Variants in GNG12 observed in about 807,000 individuals in gnomAD.
The protein encoded by GNG12 is G protein subunit gamma 12.
For missense variants in GNG12, 69 were observed against 83.8 expected, an observed-to-expected ratio of 0.82 and a Z score of 0.69; for synonymous variants, 28 against 29.7, an observed-to-expected ratio of 0.94 and a Z score of 0.19.
intron 2 of GNG12, among the ~76,000 whole-genome samples, chr1:67,730,330 T>C: frequency 6.6e-6 from 1 of 152,112 alleles, no homozygotes; most frequent in South Asian, 2.1e-4. Context: ...CGAAACTCCA[T>C]CTCTACTAAA....
chr1:67,831,883 T>C (rs1210990540), intron 1 of GNG12, among the ~76,000 whole-genome samples: 1 of 152,222 alleles, frequency 6.6e-6, no homozygotes, highest in Non-Finnish European at 1.5e-5. Flanking sequence ...CCTGCCTTCC[T>C]GGTTCTCCTA....
At chr1:67,734,323 G>A (rs1646439256) in intron 2 of GNG12, among the ~76,000 whole-genome samples, 1 of 152,124 alleles carries the variant, frequency 6.6e-6, no homozygotes, top group Non-Finnish European at 1.5e-5. Context: ...GTTTTCTGAA[G>A]ACTGGGGAAA....
At chr1:67,749,382 G>A (rs1239891975) in intron 2 of GNG12, among the ~76,000 whole-genome samples, 2 of 152,094 alleles carry the variant, frequency 1.3e-5, no homozygotes, top group African/African-American at 4.8e-5. Flanking sequence ...GGCTGTAAAG[G>A]GAATTAAATG....
At chr1:67,783,493 T>G (rs568206984) in intron 1 of GNG12, among the ~76,000 whole-genome samples, 19 of 152,264 alleles carry the variant, frequency 1.2e-4, no homozygotes, top group Non-Finnish European at 2.1e-4. Flanking sequence ...CTGAAGAGCT[T>G]CTGCACAGCA....
chr1:67,761,788 C>T lies in GNG12; in HGVS notation c.-27+15670G>A, dbSNP rs907139229. ...TATGTGCACACCATCCGCTTTCTGT[C>T]GGGTGAGGGAGGGTGCAGGGAGAGA... On this transcript the variant is annotated intron_variant, in intron 2 of 3. Coordinates refer to ENST00000370982, the MANE Select transcript of GNG12 (RefSeq NM_018841.6). Among the ~76,000 whole-genome samples the T allele has an allele frequency of 3.9e-5, 6 of 152,090 alleles. No homozygotes were observed. In the East Asian group the frequency reaches 9.6e-4, roughly 24 times the overall value.
intron 1 of GNG12, among the ~76,000 whole-genome samples, chr1:67,789,381 T>C (rs1258720028): frequency 3.3e-5 from 5 of 152,192 alleles, no homozygotes; most frequent in African/African-American, 1.2e-4. Context: ...CATCTAATTG[T>C]ATTTGAATGG....
At chr1:67,819,176 G>A (rs1296164340) in intron 1 of GNG12, among the ~76,000 whole-genome samples, 3 of 152,132 alleles carry the variant, frequency 2.0e-5, no homozygotes, top group Admixed American at 6.5e-5. Context: ...GTTGGGGGCA[G>A]GGTGTCCAAG....
At chr1:67,810,185 TGA>T (rs1646916494) in intron 1 of GNG12, among the ~76,000 whole-genome samples, 1 of 152,212 alleles carries the variant, frequency 6.6e-6, no homozygotes, top group Non-Finnish European at 1.5e-5. Flanking sequence ...ACATACTATA[TGA>T]TTCTGACTAT....
At chr1:67,816,820 C>G (rs1472346354) in intron 1 of GNG12, among the ~76,000 whole-genome samples, 2 of 152,194 alleles carry the variant, frequency 1.3e-5, no homozygotes, top group African/African-American at 2.4e-5. Context: ...AGCAGGAGAA[C>G]AAGAGGTGTG....
intron 2 of GNG12, among the ~76,000 whole-genome samples, chr1:67,739,093 C>T (rs569609193): frequency 6.6e-5 from 10 of 152,236 alleles, no homozygotes; most frequent in African/African-American, 2.4e-4. Flanking sequence ...GCAAGAGAAT[C>T]GCTTGAACCT....
intron 1 of GNG12, among the ~76,000 whole-genome samples, chr1:67,778,119 T>A (rs1646717121): frequency 6.7e-6 from 1 of 149,510 alleles, no homozygotes; most frequent in Non-Finnish European, 1.5e-5. Context: ...TAACTATACA[T>A]AATTATAATA....
chr1:67,789,532 G>A (rs572745753), intron 1 of GNG12, among the ~76,000 whole-genome samples: 13 of 152,284 alleles, frequency 8.5e-5, no homozygotes, highest in African/African-American at 3.1e-4. Flanking sequence ...AGGTAACTGA[G>A]ATTTTGCTAT....
chr1:67,722,192 T>C (rs1361294927), intron 2 of GNG12, among the ~76,000 whole-genome samples: 1 of 152,092 alleles, frequency 6.6e-6, no homozygotes, highest in Non-Finnish European at 1.5e-5. Flanking sequence ...TGGCACATGG[T>C]GCTGCATCCA....
chr1:67,800,456 C>T (rs1403107876), intron 1 of GNG12, among the ~76,000 whole-genome samples: 1 of 152,152 alleles, frequency 6.6e-6, no homozygotes, highest in Non-Finnish European at 1.5e-5. Context: ...TCTGAATAAT[C>T]AGAGCTTGTC....
intron 2 of GNG12, among the ~76,000 whole-genome samples, chr1:67,725,872 A>T (rs1362379742): frequency 7.2e-5 from 11 of 152,242 alleles, no homozygotes; most frequent in Non-Finnish European, 1.3e-4. Flanking sequence ...TTTTCTTTAA[A>T]TAGGTACAGA....
At chr1:67,792,616 A>T in intron 1 of GNG12, among the ~76,000 whole-genome samples, 1 of 152,202 alleles carries the variant, frequency 6.6e-6, no homozygotes, top group East Asian at 1.9e-4. Context: ...TGCAGAATTA[A>T]GCTAATAAAG....
intron 1 of GNG12, among the ~76,000 whole-genome samples, chr1:67,817,285 A>G (rs1476956097): frequency 6.6e-6 from 1 of 152,222 alleles, no homozygotes; most frequent in Non-Finnish European, 1.5e-5. Context: ...ATGGTCAGGT[A>G]CTCATCTGAG....
chr1:67,720,517 C>T (rs888032285), intron 2 of GNG12, among the ~76,000 whole-genome samples: 3 of 152,116 alleles, frequency 2.0e-5, no homozygotes, highest in Non-Finnish European at 2.9e-5. Context: ...ATGTGCTTAT[C>T]CATAAATGAA....
chr1:67,752,263 G>A (rs978787260), intron 2 of GNG12, among the ~76,000 whole-genome samples: 4 of 152,158 alleles, frequency 2.6e-5, no homozygotes, highest in African/African-American at 9.7e-5. Flanking sequence ...ATCTTTCCTT[G>A]GCGTTTCAGG....
Sources: allele counts gnomAD v4.1 joint callset (sites outside exome capture counted in the v4.1 genomes callset), GRCh38; gene constraint gnomAD v4.1.1; transcripts MANE v1.5; gene names NCBI Gene and HGNC (gene_info 2026-07-23, HGNC 2026-07-21).